TRPS1: variants seen among roughly 807,000 people sequenced by gnomAD.
TRPS1 encodes the protein zinc finger transcription factor Trps1.
A neutral mutation model predicts 101.2 loss-of-function variants in TRPS1; 6 were observed. The ratio of observed to expected loss-of-function variants is 0.06; its 90% confidence interval spans 0.03 to 0.12. TRPS1 has a LOEUF of 0.12. Among genes scored for constraint, TRPS1 ranks in the 10% least tolerant of loss-of-function variants. The pLI, the probability that TRPS1 is intolerant of heterozygous loss-of-function variation, is 1.00. For synonymous variants in TRPS1, 578 were observed against 589.8 expected, an observed-to-expected ratio of 0.98 and a Z score of 0.29; for missense variants, 1,363 against 1,567.0, an observed-to-expected ratio of 0.87 and a Z score of 2.20.
Position 115,619,438 on chromosome 8 carries a change from A to G in TRPS1, c.660T>C (p.Asn220=), listed in dbSNP as rs1818337254. The G allele has an allele frequency of 1.2e-6, 2 of 1,614,186 alleles. No individual in the cohort carries two copies. Among genetic ancestry groups the G allele is most frequent in the Non-Finnish European group, 8.5e-7 (1 of 1,180,028 alleles). The change falls in exon 3 of 7, where the codon AAT becomes AAC. Residue 220 remains asparagine, a synonymous_variant. Transcript: ENST00000395715. ...ACAGAGGTGCCGGGTCTGGGTTGTC[A>G]TTCACCAGTAAGTCAGTTTTGGATT... is the stretch of plus-strand genomic sequence containing the variant. ...LNKSKTDLLV[N]DNPDPAPLSP...
At chr8:115,450,455 A>G (rs1813840413) in intron 5 of TRPS1, among the ~76,000 whole-genome samples, 1 of 152,170 alleles carries the variant, frequency 6.6e-6, no homozygotes, top group African/African-American at 2.4e-5. Flanking sequence ...AGATAATACA[A>G]TAAAGCGCCA....
At chr8:115,510,834 A>G (rs1025098434) in intron 5 of TRPS1, among the ~76,000 whole-genome samples, 8 of 151,910 alleles carry the variant, frequency 5.3e-5, no homozygotes, top group Non-Finnish European at 8.8e-5. Context: ...TCCATTTTGA[A>G]TGCCAAGGTT....
chr8:115,471,733 T>G (rs1298819708), intron 5 of TRPS1, among the ~76,000 whole-genome samples: 1 of 151,934 alleles, frequency 6.6e-6, no homozygotes, highest in Non-Finnish European at 1.5e-5. Flanking sequence ...ACAATGGAGG[T>G]GTAGCCATTG....
At chr8:115,452,445 A>G (rs1813898867) in intron 5 of TRPS1, among the ~76,000 whole-genome samples, 1 of 152,194 alleles carries the variant, frequency 6.6e-6, no homozygotes, top group South Asian at 2.1e-4. Flanking sequence ...ATTATGTATT[A>G]TATATTTACA....
intron 5 of TRPS1, among the ~76,000 whole-genome samples, chr8:115,520,991 A>T (rs1815847281): frequency 1.3e-5 from 2 of 151,828 alleles, no homozygotes; most frequent in Non-Finnish European, 2.9e-5. Flanking sequence ...TTCCACGCTT[A>T]TGCCTCCCAG....
intron 4 of TRPS1, among the ~76,000 whole-genome samples, chr8:115,594,668 T>G (rs1817748985): frequency 6.6e-6 from 1 of 152,002 alleles, no homozygotes; most frequent in African/African-American, 2.4e-5. Context: ...AAAAAGCATT[T>G]GTTTTTTGAT....
intron 5 of TRPS1, among the ~76,000 whole-genome samples, chr8:115,561,458 C>T (rs1395411002): frequency 2.7e-5 from 4 of 146,840 alleles, no homozygotes; most frequent in East Asian, 1.9e-4. Context: ...CTCTCAACTT[C>T]CTTAATCTTG....
At chr8:115,459,934 T>C (rs1404677488) in intron 5 of TRPS1, among the ~76,000 whole-genome samples, 1 of 152,194 alleles carries the variant, frequency 6.6e-6, no homozygotes, top group East Asian at 1.9e-4. Context: ...TTTAAAATGA[T>C]ACATATGTAA....
intron 5 of TRPS1, among the ~76,000 whole-genome samples, chr8:115,465,923 T>C (rs1179196559): frequency 6.6e-6 from 1 of 152,150 alleles, no homozygotes; most frequent in Non-Finnish European, 1.5e-5. Flanking sequence ...GAGAGGCTTA[T>C]TGAACTTGAA....
intron 2 of TRPS1, among the ~76,000 whole-genome samples, 170 bp downstream of exon 2, chr8:115,623,430 CA>C (rs2130542959): frequency 6.6e-6 from 1 of 152,106 alleles, no homozygotes; most frequent in African/African-American, 2.4e-5. Flanking sequence ...GCACATTTGT[CA>C]TACTTCTAAG....
At position 115,463,493 on chromosome 8, in the gene TRPS1, C is replaced by T. The variant is rs530132520; in HGVS notation, c.2701-45041G>A. On this transcript the variant is annotated intron_variant, in intron 5 of 6. Transcript: ENST00000395715. ...ACAGAATTCATGTAAATATACCTAA[C>T]CTGAGAGGTCAGATTTGGGGACCTC... is the stretch of plus-strand genomic sequence containing the variant. Among the ~76,000 whole-genome samples, 20 of 152,182 alleles carry T rather than the reference C, an allele frequency of 1.3e-4. No homozygotes were observed. The Middle Eastern group carries it at 0.014, about 104-fold the overall frequency.
intron 5 of TRPS1, among the ~76,000 whole-genome samples, chr8:115,451,605 A>G (rs940440977): frequency 1.6e-4 from 25 of 152,126 alleles, no homozygotes; most frequent in African/African-American, 6.0e-4. Context: ...TGGTCCAAAA[A>G]TTGCCAATCA....
chr8:115,594,870 C>A (rs1224726740), intron 4 of TRPS1, among the ~76,000 whole-genome samples: 1 of 151,778 alleles, frequency 6.6e-6, no homozygotes, highest in Non-Finnish European at 1.5e-5. Flanking sequence ...ACCAACCCTG[C>A]AGCTGAGGGA....
intron 5 of TRPS1, among the ~76,000 whole-genome samples, chr8:115,529,424 T>C (rs1415244717): frequency 6.6e-6 from 1 of 152,138 alleles, no homozygotes; most frequent in Non-Finnish European, 1.5e-5. Flanking sequence ...ATTATTAATA[T>C]TGCTTCCATG....
At chr8:115,572,147 C>T (rs986792903) in intron 5 of TRPS1, among the ~76,000 whole-genome samples, 73 of 152,102 alleles carry the variant, frequency 4.8e-4, no homozygotes, top group African/African-American at 1.6e-3. Context: ...TTTCTGAATC[C>T]TATCAATTAC....
chr8:115,462,536 T>C (rs1814206737), intron 5 of TRPS1, among the ~76,000 whole-genome samples: 1 of 152,060 alleles, frequency 6.6e-6, no homozygotes, highest in African/African-American at 2.4e-5. Flanking sequence ...ATCCGACACA[T>C]GAGTGCAGGA....
At chr8:115,533,448 T>G (rs935236788) in intron 5 of TRPS1, among the ~76,000 whole-genome samples, 1 of 130,058 alleles carries the variant, frequency 7.7e-6, no homozygotes, top group South Asian at 2.6e-4. Context: ...TTTTTTTTTT[T>G]TTTTTTTTTT....
In TRPS1 at chr8:115,414,424, G is replaced by C; in HGVS notation, c.3484C>G (p.Leu1162Val). ...QNYVPYPTFNLPPHFSAVGSD... is the reference protein window; with the variant it reads ...QNYVPYPTFNVPPHFSAVGSD... ...CCAACAGCTGAAAAATGAGGAGGCA[G>C]ATTGAAGGTGGGATAAGGCACATAG... Residue 1162 changes from leucine to valine, a missense_variant, in exon 7 of 7, where the codon CTG becomes GTG. Physicochemically the swap from Leu to Val is conservative, Grantham distance 32. Transcript: ENST00000395715. This position sits in a 1 kb window ranked among gnomAD's most constrained non-coding sequence, Gnocchi z 4.8. The C allele has an allele frequency of 6.2e-7, 1 of 1,614,036 alleles. No homozygotes were observed. The highest frequency in any genetic ancestry group is 1.1e-5 in the South Asian group (1 of 91,088).
chr8:115,417,677 A>G (rs1186341288), intron 6 of TRPS1, among the ~76,000 whole-genome samples: 1 of 152,200 alleles, frequency 6.6e-6, no homozygotes, highest in African/African-American at 2.4e-5. Flanking sequence ...AACCTCCGTG[A>G]GCCAAAGCCA....
Sources: allele counts gnomAD v4.1 joint callset (sites outside exome capture counted in the v4.1 genomes callset), GRCh38; gene constraint gnomAD v4.1.1; non-coding constraint Gnocchi (gnomAD v3.1); transcripts MANE v1.5; gene names NCBI Gene and HGNC (gene_info 2026-07-23, HGNC 2026-07-21).